Variants in MACC1 observed in about 807,000 individuals in gnomAD.
MACC1 encodes the protein metastasis-associated in colon cancer protein 1.
In MACC1, 79 loss-of-function variants were observed where a neutral mutation model predicts 70.7. The observed-to-expected ratio is 1.12, with a 90% CI of 0.93 to 1.35. The LOEUF (loss-of-function observed/expected upper bound fraction) is 1.35, where lower values mean the gene tolerates loss of function less well. Ranked by LOEUF, MACC1 falls within the 40% of genes most tolerant of loss-of-function variation. The pLI is 0.00. For synonymous variants in MACC1, 361 were observed against 347.2 expected (o/e 1.04, Z -0.44); for missense variants, 1,106 against 978.1 (o/e 1.13, Z -1.74).
chr7:20,187,821 T>C (rs992742346), intron 1 of MACC1, among the ~76,000 whole-genome samples: 1 of 152,170 alleles, frequency 6.6e-6, no homozygotes, highest in Admixed American at 6.5e-5. Context: ...TTCTCTGTTG[T>C]CATTTGCCCC....
At chr7:20,173,743 G>T (rs1205699241) in intron 1 of MACC1, among the ~76,000 whole-genome samples, 1 of 152,154 alleles carries the variant, frequency 6.6e-6, no homozygotes, top group Non-Finnish European at 1.5e-5. Flanking sequence ...CTAACCAGTA[G>T]TCTCTGAAAT....
At chr7:20,216,856 T>C (rs1348724051) in intron 1 of MACC1, among the ~76,000 whole-genome samples, 1 of 152,242 alleles carries the variant, frequency 6.6e-6, no homozygotes, top group Non-Finnish European at 1.5e-5. Context: ...ATCTTGTCAA[T>C]GGTCATAAAT....
chr7:20,146,590 G>A (rs187442587), intron 6 of MACC1, among the ~76,000 whole-genome samples: 3 of 152,168 alleles, frequency 2.0e-5, no homozygotes, highest in South Asian at 2.1e-4. Flanking sequence ...TTAATCCTCC[G>A]AAGGCTAGAA....
At chr7:20,202,904 A>G (rs568613007) in intron 1 of MACC1, among the ~76,000 whole-genome samples, 6 of 152,348 alleles carry the variant, frequency 3.9e-5, no homozygotes, top group African/African-American at 1.2e-4. Context: ...CTGGAAATCC[A>G]TAGATTGTAT....
Position 20,158,339 on chromosome 7 carries a change from T to G in MACC1, c.2022A>C (p.Ser674=). ...WKVLADVLGY[S]HLSLEDFDQI... ...GATCAAAATCTTCCAGGGACAGATGTGAGTAACCCAGGACATCAGCTAAAA... is the reference window on the plus strand; with the variant it reads ...GATCAAAATCTTCCAGGGACAGATGGGAGTAACCCAGGACATCAGCTAAAA... Residue 674 remains serine, a synonymous_variant, in exon 5 of 7, where the codon TCA becomes TCC. Coordinates refer to ENST00000400331, the MANE Select transcript of MACC1 (RefSeq NM_182762.4). 6.2e-7 allele frequency: 1 copy of G among 1,613,922 alleles called. No homozygotes were observed. The highest frequency in any genetic ancestry group is 8.5e-7 in the Non-Finnish European group (1 of 1,179,990).
chr7:20,136,554 C>T lies in MACC1; in HGVS notation c.*4392G>A, dbSNP rs995557311. Reference sequence around the variant, plus strand: ...ATACATTTCAGATGCTGTATGTGTACAAATTCAACTTTCCTATGTATATGT... The same window carrying T: ...ATACATTTCAGATGCTGTATGTGTATAAATTCAACTTTCCTATGTATATGT... On this transcript the variant is annotated 3_prime_UTR_variant, in exon 7 of 7. Transcript: ENST00000400331. 1.3e-5 allele frequency: 2 copies of T among 152,108 alleles called. No homozygotes were observed. The highest frequency in any genetic ancestry group is 4.8e-5 in the African/African-American group (2 of 41,430). The allele number at this position is 152,108 out of a possible 1,614,324, so 9.4% of individuals were successfully genotyped here.
At chr7:20,165,036 G>A (rs1050390225) in intron 2 of MACC1, among the ~76,000 whole-genome samples, 1 of 152,108 alleles carries the variant, frequency 6.6e-6, no homozygotes, top group Non-Finnish European at 1.5e-5. Flanking sequence ...CAGGAATGAT[G>A]CCTTACGCAG....
intron 6 of MACC1, among the ~76,000 whole-genome samples, chr7:20,144,599 C>T (rs1781859251): frequency 6.6e-6 from 1 of 152,060 alleles, no homozygotes; most frequent in African/African-American, 2.4e-5. Flanking sequence ...TGCATTTATA[C>T]TTCTTAATAG....
intron 1 of MACC1, among the ~76,000 whole-genome samples, chr7:20,173,362 G>C (rs985232548): frequency 1.3e-5 from 2 of 152,200 alleles, no homozygotes; most frequent in Admixed American, 1.3e-4. Context: ...AAAATTTACA[G>C]CTCTCTTTCT....
rs1490409505 is a variant in MACC1 at position 20,136,682 on chromosome 7, A to G, written c.*4264T>C. ...AAAATGTCTTTGGATTATCCCACCA[A>G]TCATATTGATGTTCTTTAGAACTTC... On this transcript the variant is annotated 3_prime_UTR_variant, in exon 7 of 7. Transcript: ENST00000400331. The G allele has an allele frequency of 6.6e-6, 1 of 152,040 alleles. No individual in the cohort carries two copies. Among genetic ancestry groups the G allele is most frequent in the Non-Finnish European group, 1.5e-5 (1 of 67,990 alleles). 9.4% of individuals were successfully genotyped at this position (152,040 alleles called of 1,614,324 possible).
chr7:20,159,080 A>C lies in MACC1; in HGVS notation c.1281T>G (p.Leu427=), dbSNP rs772640564. 1 of 1,611,758 alleles carries C rather than the reference A, an allele frequency of 6.2e-7. No homozygotes were observed. ...AAATACTTAAATCTTGTGGCTTGTCAAGTAAAAATGACTGCTTCCCCCAGA... is the reference window on the plus strand; with the variant it reads ...AAATACTTAAATCTTGTGGCTTGTCCAGTAAAAATGACTGCTTCCCCCAGA... ...FQLWGKQSFL[L]DKPQDLSISI... is the part of the protein sequence containing the mutation. The change falls in exon 5 of 7, where the codon CTT becomes CTG. Residue 427 remains leucine (L), a synonymous_variant. Transcript: ENST00000400331.
At chr7:20,165,640 A>G (rs1463948584) in intron 2 of MACC1, among the ~76,000 whole-genome samples, 2 of 152,016 alleles carry the variant, frequency 1.3e-5, no homozygotes, top group South Asian at 2.1e-4. Flanking sequence ...GCATTTCCCT[A>G]TGTTTTCTTC....
At chr7:20,143,921 TG>T (rs1781848291) in intron 6 of MACC1, among the ~76,000 whole-genome samples, 1 of 152,168 alleles carries the variant, frequency 6.6e-6, no homozygotes, top group Non-Finnish European at 1.5e-5. Flanking sequence ...AAAAGAGCAT[TG>T]GGCTGAAAAC....
At chr7:20,190,621 C>G (rs1782658138) in intron 1 of MACC1, among the ~76,000 whole-genome samples, 1 of 152,114 alleles carries the variant, frequency 6.6e-6, no homozygotes, top group African/African-American at 2.4e-5. Context: ...AATTCTGGAG[C>G]AGTTCATGGC....
At position 20,158,638 on chromosome 7, in the gene MACC1, C is replaced by A. The variant is rs1470917201; in HGVS notation, c.1723G>T (p.Gly575Trp). ...KIDYFLEYFK[G>W]DTIALLGEGK... The stretch of plus-strand genomic sequence containing the variant: ...TCCCCGAGGAGAGCTATTGTGTCCC[C>A]TTTGAAATATTCAAGGAAGTAATCA... The change falls in exon 5 of 7, where the codon GGG becomes TGG. Residue 575 changes from glycine (G) to tryptophan (W), a missense_variant. By Grantham distance (184) the Gly-to-Trp change is radical (BLOSUM62 -2). Coordinates refer to ENST00000400331, the MANE Select transcript of MACC1 (RefSeq NM_182762.4). The A allele has an allele frequency of 3.1e-6, 5 of 1,614,080 alleles. No individual in the cohort carries two copies. The highest frequency in any genetic ancestry group is 1.6e-4 in the Middle Eastern group (1 of 6,062).
intron 6 of MACC1, among the ~76,000 whole-genome samples, chr7:20,146,696 T>C (rs2128100641): frequency 6.6e-6 from 1 of 152,348 alleles, no homozygotes; most frequent in Middle Eastern, 3.4e-3. Context: ...CTCAATGTTA[T>C]GATTAGAAAA....
rs570290656 is a variant in MACC1 at position 20,162,052 on chromosome 7, TA to T, written c.-8-183del. On this transcript the variant is annotated intron_variant, in intron 3 of 6. Transcript: ENST00000400331. ...ACTAAAATATGTGTTAGCACTCCACTAAAAAATGATCAAATTCCAGATTAAT... is the reference window on the plus strand; with the variant it reads ...ACTAAAATATGTGTTAGCACTCCACTAAAAATGATCAAATTCCAGATTAAT... 3.0e-4 allele frequency among the ~76,000 whole-genome samples: 46 copies of T among 152,076 alleles called. No individual in the cohort carries two copies. In the East Asian group the frequency reaches 7.5e-3, roughly 25 times the overall value.
chr7:20,206,392 A>G (rs1464591486), intron 1 of MACC1, among the ~76,000 whole-genome samples: 1 of 152,084 alleles, frequency 6.6e-6, no homozygotes, highest in African/African-American at 2.4e-5. Flanking sequence ...GTGACATGTG[A>G]CACTGTTAGC....
At chr7:20,156,239 C>T (rs1429799580) in intron 5 of MACC1, among the ~76,000 whole-genome samples, 2 of 152,158 alleles carry the variant, frequency 1.3e-5, no homozygotes, top group Non-Finnish European at 2.9e-5. Flanking sequence ...CAACTCTATA[C>T]CCCATGCTCC....
Sources: gnomAD v4.1 joint callset for allele counts (sites outside exome capture counted in the v4.1 genomes callset) on GRCh38, gnomAD v4.1.1 for gene constraint, MANE v1.5 for transcripts, NCBI Gene and HGNC (gene_info 2026-07-23, HGNC 2026-07-21) for gene names.